MYLK4: variants seen among roughly 807,000 people sequenced by gnomAD.
MYLK4 encodes caMLCK like.
In MYLK4, 46 loss-of-function variants were observed where a neutral mutation model predicts 48.1. The ratio of observed to expected loss-of-function variants is 0.96; its 90% confidence interval spans 0.75 to 1.22. MYLK4 has a LOEUF of 1.22. Ranked by LOEUF, MYLK4 falls within the 50% of genes most tolerant of loss-of-function variation. MYLK4 has a pLI of 0.00. For missense variants in MYLK4, 451 were observed against 486.1 expected (o/e 0.93, Z 0.68); for synonymous variants, 170 against 180.8 (o/e 0.94, Z 0.48).
chr6:2,694,578 CTGGTGG>C lies in MYLK4; in HGVS notation c.160-1725_160-1720del, dbSNP rs74207680. 2.0e-3 allele frequency among the ~76,000 whole-genome samples: 91 copies of C among 46,212 alleles called. No homozygotes were observed. The East Asian group carries it at 0.03, about 15-fold the overall frequency. 30.3% of individuals were successfully genotyped at this position (46,212 alleles called of 152,430 possible). A position where few individuals can be genotyped will look rare whatever the true frequency, so the allele number is the denominator to read the frequency against. On this transcript the variant is annotated intron_variant, in intron 2 of 12. Coordinates refer to ENST00000274643, the MANE Select transcript of MYLK4 (RefSeq NM_001012418.5). Reference sequence around the variant, plus strand: ...AGTCGTGGTGGTAGTGGTAGTGCTGCTGGTGGTGGTGGTGGTGGTGGTGGTGATGAT... The same window carrying C: ...AGTCGTGGTGGTAGTGGTAGTGCTGCTGGTGGTGGTGGTGGTGGTGATGAT...
At chr6:2,704,636 GAATAC>G (rs1762421348) in intron 2 of MYLK4, among the ~76,000 whole-genome samples, 1 of 152,180 alleles carries the variant, frequency 6.6e-6, no homozygotes, top group East Asian at 1.9e-4. Flanking sequence ...GATACTTCAT[GAATAC>G]TTTTGATCAT....
intron 12 of MYLK4, among the ~76,000 whole-genome samples, chr6:2,670,431 G>T (rs11754794): frequency 1.3e-5 from 2 of 152,080 alleles, no homozygotes; most frequent in African/African-American, 2.4e-5. Flanking sequence ...AGTCGTCAAC[G>T]CTGTGCAGTT....
intron 2 of MYLK4, among the ~76,000 whole-genome samples, chr6:2,719,796 T>C (rs1763002460): frequency 6.6e-6 from 1 of 152,148 alleles, no homozygotes; most frequent in Non-Finnish European, 1.5e-5. Context: ...GAGGCTCAAG[T>C]GTGTGCCATA....
chr6:2,755,140 G>T (rs1764396405), upstream of MYLK4, among the ~76,000 whole-genome samples: 1 of 152,166 alleles, frequency 6.6e-6, no homozygotes, highest in Non-Finnish European at 1.5e-5. Context: ...TTAAAAATTA[G>T]ATAAAAATAT....
intron 2 of MYLK4, among the ~76,000 whole-genome samples, chr6:2,738,786 AAT>A (rs1162420709): frequency 1.3e-5 from 2 of 152,212 alleles, no homozygotes; most frequent in African/African-American, 4.8e-5. Context: ...GTTTTCAAAT[AAT>A]GTTTCATCTT....
chr6:2,683,290 C>T (rs1266826378), intron 6 of MYLK4, 128 bp from the exon 7 acceptor site: 2 of 922,668 alleles, frequency 2.2e-6, no homozygotes, highest in African/African-American at 1.6e-5. Context: ...ATTTCTCTGC[C>T]TTCTTTACTA....
chr6:2,692,788 G>A lies in MYLK4; in HGVS notation c.231C>T (p.Leu77=), dbSNP rs147243450. 11 of 1,613,422 alleles carry A rather than the reference G, an allele frequency of 6.8e-6. No homozygotes were observed. The highest frequency in any genetic ancestry group is 4.5e-5 in the East Asian group (2 of 44,896). ...MPVKSKRTSA[L]AVDIPAPPAP... ...CTACTTTTCTAAAGATGTTACCTGC[G>A]AGGGCTGATGTCCTTTTGCTTTTGA... is the stretch of plus-strand genomic sequence containing the variant. The change falls in exon 3 of 13, where the codon CTC becomes CTT. Residue 77 remains leucine (L), a synonymous_variant. Coordinates refer to ENST00000274643, the MANE Select transcript of MYLK4 (RefSeq NM_001012418.5).
chr6:2,730,519 A>G (rs1478022210), intron 2 of MYLK4, among the ~76,000 whole-genome samples: 2 of 152,196 alleles, frequency 1.3e-5, no homozygotes, highest in Non-Finnish European at 1.5e-5. Context: ...TCCAGGCAAC[A>G]TTCTCTTACT....
At chr6:2,683,395 G>T (rs867774040) in intron 6 of MYLK4, among the ~76,000 whole-genome samples, 27,147 of 114,710 alleles carry the variant, frequency 0.24, 4,586 homozygotes, top group East Asian at 0.43. Flanking sequence ...ACCTTTTTGT[G>T]TGTGTGTGTG....
At chr6:2,694,479 A>G (rs201613884) in intron 2 of MYLK4, among the ~76,000 whole-genome samples, 3 of 3,972 alleles carry the variant, frequency 7.6e-4, no homozygotes, top group African/African-American at 1.8e-3. Context: ...GATGATGATG[A>G]TGGTAGTGGT....
intron 2 of MYLK4, among the ~76,000 whole-genome samples, chr6:2,726,589 G>A (rs556127942): frequency 1.3e-5 from 2 of 149,498 alleles, no homozygotes; most frequent in African/African-American, 4.9e-5. Context: ...ATCCTTAGCT[G>A]TGTGCCTACT....
At chr6:2,756,775 A>G in the MYLK4 span, among the ~76,000 whole-genome samples, 1 of 152,172 alleles carries the variant, frequency 6.6e-6, no homozygotes, top group African/African-American at 2.4e-5. Flanking sequence ...GTGACTATCC[A>G]TTCTAAACAA....
In MYLK4 at chr6:2,678,353, A is replaced by G. The variant is rs139362604; in HGVS notation, c.907T>C (p.Phe303Leu). 5.0e-6 allele frequency: 8 copies of G among 1,613,858 alleles called. No individual in the cohort carries two copies. In the African/African-American group the frequency reaches 1.1e-4, roughly 22 times the overall value. The change falls in exon 10 of 13, where the codon TTC (phenylalanine) becomes CTC (leucine). Residue 303 changes from phenylalanine to leucine, a missense_variant. Transcript: ENST00000274643. Reference sequence around the variant, plus strand: ...GTCTCAGCATCATTGTCACCCAGGAAAGGCGACAAACCGCTAAGTCTGGAG... The same window carrying G: ...GTCTCAGCATCATTGTCACCCAGGAGAGGCGACAAACCGCTAAGTCTGGAG... ...AYMLLSGLSP[F>L]LGDNDAETLN...
At chr6:2,719,175 A>C (rs1205201197) in intron 2 of MYLK4, among the ~76,000 whole-genome samples, 2 of 152,222 alleles carry the variant, frequency 1.3e-5, no homozygotes, top group Non-Finnish European at 2.9e-5. Context: ...ATGCAGCTAA[A>C]TCTTGGGTTA....
At chr6:2,709,694 T>C (rs1245258180) in intron 2 of MYLK4, among the ~76,000 whole-genome samples, 1 of 152,254 alleles carries the variant, frequency 6.6e-6, no homozygotes, top group Non-Finnish European at 1.5e-5. Flanking sequence ...TTGAGAACAA[T>C]TGCCCTAGGG....
At chr6:2,697,848 G>A (rs558726929) in intron 2 of MYLK4, among the ~76,000 whole-genome samples, 23 of 152,242 alleles carry the variant, frequency 1.5e-4, no homozygotes, top group African/African-American at 5.3e-4. Context: ...CCCCAGCACC[G>A]AACAGAGGGT....
intron 2 of MYLK4, among the ~76,000 whole-genome samples, chr6:2,741,846 G>T (rs1763909663): frequency 6.6e-6 from 1 of 152,190 alleles, no homozygotes; most frequent in Non-Finnish European, 1.5e-5. Context: ...ACTGGGAAAT[G>T]CTCTGAGGGC....
At chr6:2,701,934 G>A (rs1419973946) in intron 2 of MYLK4, among the ~76,000 whole-genome samples, 1 of 152,236 alleles carries the variant, frequency 6.6e-6, no homozygotes, top group African/African-American at 2.4e-5. Context: ...AGCCTCGTGT[G>A]TCTATTTACA....
chr6:2,703,932 G>A (rs929452097), intron 2 of MYLK4, among the ~76,000 whole-genome samples: 9 of 152,110 alleles, frequency 5.9e-5, no homozygotes, highest in South Asian at 4.1e-4. Context: ...GCCTCCCAAA[G>A]TGCTGGGATT....
Sources: allele counts gnomAD v4.1 joint callset (sites outside exome capture counted in the v4.1 genomes callset), GRCh38; gene constraint gnomAD v4.1.1; transcripts MANE v1.5; gene names NCBI Gene and HGNC (gene_info 2026-07-23, HGNC 2026-07-21).